SUPT3H: variants seen among roughly 807,000 people sequenced by gnomAD.
SUPT3H encodes the protein transcription initiation protein SPT3 homolog.
A neutral mutation model predicts 44.3 loss-of-function variants in SUPT3H; 44 were observed. The ratio of observed to expected loss-of-function variants is 0.99; its 90% CI spans 0.78 to 1.28. The LOEUF (loss-of-function observed/expected upper bound fraction) is 1.28, where lower values mean the gene tolerates loss of function less well. SUPT3H is among the 50% of genes most tolerant of loss of function. The pLI is 0.00. For missense variants in SUPT3H, 380 were observed against 387.1 expected (o/e 0.98, Z 0.15); for synonymous variants, 124 against 125.6 (o/e 0.99, Z 0.09).
chr6:44,861,937 A>G (rs1453991646), intron 10 of SUPT3H, among the ~76,000 whole-genome samples: 3 of 152,192 alleles, frequency 2.0e-5, no homozygotes, highest in African/African-American at 7.2e-5. Flanking sequence ...TATGTGGCTG[A>G]AGTTTCAAAG....
chr6:45,268,212 G>A (rs1487438549), intron 2 of SUPT3H, among the ~76,000 whole-genome samples: 1 of 152,078 alleles, frequency 6.6e-6, no homozygotes, highest in African/African-American at 2.4e-5. Flanking sequence ...CAGACTCAGA[G>A]ACCCAAATAA....
chr6:44,985,400 G>A (rs1779662930), intron 6 of SUPT3H, among the ~76,000 whole-genome samples: 1 of 151,560 alleles, frequency 6.6e-6, no homozygotes, highest in African/African-American at 2.4e-5. Context: ...TATCCAAAAA[G>A]TTAAAAATAA....
chr6:45,248,914 A>G (rs941494761), intron 2 of SUPT3H, among the ~76,000 whole-genome samples: 4 of 85,290 alleles, frequency 4.7e-5, no homozygotes, highest in African/African-American at 1.3e-4. Context: ...ACTCCATCTC[A>G]AAAAAAAAAA....
At chr6:44,949,006 G>T (rs1773825622) in intron 9 of SUPT3H, among the ~76,000 whole-genome samples, 1 of 152,188 alleles carries the variant, frequency 6.6e-6, no homozygotes, top group African/African-American at 2.4e-5. Context: ...GTCCAACAAT[G>T]ATAGACTGGA....
chr6:44,972,165 C>T (rs1051077878), intron 6 of SUPT3H, among the ~76,000 whole-genome samples: 5 of 152,128 alleles, frequency 3.3e-5, no homozygotes, highest in Non-Finnish European at 7.4e-5. Flanking sequence ...CTTCCACTTA[C>T]AAGCCTGTAA....
intron 2 of SUPT3H, among the ~76,000 whole-genome samples, chr6:45,255,718 CA>C (rs1418013007): frequency 2.0e-5 from 3 of 152,146 alleles, no homozygotes; most frequent in Non-Finnish European, 4.4e-5. Context: ...CCATCAAACC[CA>C]GACTAGGTAG....
chr6:44,904,254 G>A (rs1286866144), intron 10 of SUPT3H, among the ~76,000 whole-genome samples: 1 of 152,170 alleles, frequency 6.6e-6, no homozygotes, highest in Non-Finnish European at 1.5e-5. Context: ...TGACATGATT[G>A]TATATCTAGA....
chr6:44,960,591 T>G (rs976855307), intron 7 of SUPT3H, among the ~76,000 whole-genome samples: 2 of 152,102 alleles, frequency 1.3e-5, no homozygotes, highest in African/African-American at 4.8e-5. Flanking sequence ...GAATTAAATT[T>G]AAAATATAAT....
intron 10 of SUPT3H, among the ~76,000 whole-genome samples, chr6:44,899,773 T>A (rs1216994265): frequency 6.6e-6 from 1 of 152,216 alleles, no homozygotes; most frequent in Admixed American, 6.5e-5. Context: ...AATGAGATGT[T>A]CTACTGCCAT....
chr6:45,125,346 A>G (rs1255701992), intron 2 of SUPT3H, among the ~76,000 whole-genome samples: 1 of 152,208 alleles, frequency 6.6e-6, no homozygotes, highest in African/African-American at 2.4e-5. Context: ...TTGACTTTCT[A>G]TGCATGATAT....
At chr6:45,304,287 A>C (rs1782650448) in intron 2 of SUPT3H, among the ~76,000 whole-genome samples, 1 of 152,224 alleles carries the variant, frequency 6.6e-6, no homozygotes, top group South Asian at 2.1e-4. Flanking sequence ...AAAAGTTACT[A>C]ATCTCTACCC....
chr6:45,226,585 C>T (rs1332509316), intron 2 of SUPT3H, among the ~76,000 whole-genome samples: 2 of 152,196 alleles, frequency 1.3e-5, no homozygotes, highest in South Asian at 4.2e-4. Flanking sequence ...CTTGCTCTGT[C>T]ACCCAGTGCA....
intron 10 of SUPT3H, among the ~76,000 whole-genome samples, chr6:44,922,343 AGG>A: frequency 6.6e-6 from 1 of 152,348 alleles, no homozygotes; most frequent in East Asian, 1.9e-4. Flanking sequence ...CATTTTTGAA[AGG>A]TGCAAATTTC....
chr6:44,890,324 G>A (rs1763070108), intron 10 of SUPT3H, among the ~76,000 whole-genome samples: 1 of 151,134 alleles, frequency 6.6e-6, no homozygotes, highest in South Asian at 2.1e-4. Context: ...GTTTATTGCG[G>A]CATTATTCAC....
intron 2 of SUPT3H, among the ~76,000 whole-genome samples, chr6:45,264,648 C>T (rs1584566992): frequency 6.6e-6 from 1 of 152,284 alleles, no homozygotes; most frequent in East Asian, 1.9e-4. Context: ...TAGCCCTGCA[C>T]TTCTTGTGAG....
intron 2 of SUPT3H, among the ~76,000 whole-genome samples, chr6:45,221,667 T>C (rs912272103): frequency 6.6e-6 from 1 of 152,170 alleles, no homozygotes; most frequent in Non-Finnish European, 1.5e-5. Flanking sequence ...AATTGATATA[T>C]AAGTTTAATT....
At chr6:45,338,055 T>C (rs1292080641) in intron 2 of SUPT3H, among the ~76,000 whole-genome samples, 1 of 152,048 alleles carries the variant, frequency 6.6e-6, no homozygotes, top group Non-Finnish European at 1.5e-5. Flanking sequence ...ATTTAGTCTT[T>C]ATTGAATAAA....
intron 2 of SUPT3H, among the ~76,000 whole-genome samples, chr6:45,265,212 C>T (rs1265329392): frequency 6.6e-6 from 1 of 152,058 alleles, no homozygotes; most frequent in Non-Finnish European, 1.5e-5. Context: ...TTTAAATGAT[C>T]CTCAATTTTA....
intron 2 of SUPT3H, among the ~76,000 whole-genome samples, chr6:45,181,102 A>T (rs897619145): frequency 1.1e-4 from 17 of 151,110 alleles, no homozygotes; most frequent in African/African-American, 3.7e-4. Context: ...GCAGCCAAGA[A>T]ACACATGAAA....
Sources: allele counts gnomAD v4.1 joint callset (sites outside exome capture counted in the v4.1 genomes callset), GRCh38; gene constraint gnomAD v4.1.1; transcripts MANE v1.5; gene names NCBI Gene and HGNC (gene_info 2026-07-23, HGNC 2026-07-21).